PRELID3A: variants seen among roughly 807,000 people sequenced by gnomAD.
The protein encoded by PRELID3A is PRELI domain containing 3A.
In PRELID3A, 27 loss-of-function variants were observed where a neutral mutation model predicts 23.0. The ratio of observed to expected loss-of-function variants is 1.17; its 90% CI spans 0.87 to 1.62. PRELID3A has a LOEUF of 1.62. PRELID3A is among the 40% of genes most tolerant of loss of function. PRELID3A has a pLI of 0.00. For synonymous variants in PRELID3A, 87 were observed against 86.4 expected, an observed-to-expected ratio of 1.01 and a Z score of -0.04; for missense variants, 231 against 231.4, an observed-to-expected ratio of 1.00 and a Z score of 0.01.
At chr18:12,410,549 T>TTA (rs1280144178) in intron 1 of PRELID3A, among the ~76,000 whole-genome samples, 1 of 152,214 alleles carries the variant, frequency 6.6e-6, no homozygotes, top group Non-Finnish European at 1.5e-5. Flanking sequence ...CTGGCTGGAC[T>TTA]TACTGTGTAG....
intron 3 of PRELID3A, among the ~76,000 whole-genome samples, chr18:12,424,859 T>G (rs1478988569): frequency 6.6e-6 from 1 of 152,196 alleles, no homozygotes; most frequent in Non-Finnish European, 1.5e-5. Context: ...TTATGGCCAG[T>G]GCGGTGGCCC....
chr18:12,430,368 GGTGTGT>G (rs58524238), intron 6 of PRELID3A, among the ~76,000 whole-genome samples: 1 of 150,340 alleles, frequency 6.7e-6, no homozygotes, highest in African/African-American at 2.4e-5. Flanking sequence ...ATGTGTGTGT[GGTGTGT>G]GTGTGTGTGC....
chr18:12,407,959 G>C lies in PRELID3A; in HGVS notation c.-17G>C. On this transcript the variant is annotated 5_prime_UTR_variant, in exon 1 of 7. Coordinates refer to ENST00000440960, the MANE Select transcript of PRELID3A (RefSeq NM_001142405.2). ...ACCCGGCCCGGATCGCAGAGCCCGC[G>C]CCCTGCGCCGGCGGCAATGAAGATC... is the stretch of plus-strand genomic sequence containing the variant. The C allele has an allele frequency of 1.5e-6, 2 of 1,294,794 alleles. No individual in the cohort carries two copies. Among genetic ancestry groups the C allele is most frequent in the Non-Finnish European group, 9.8e-7 (1 of 1,023,424 alleles). 80.2% of individuals were successfully genotyped at this position (1,294,794 alleles called of 1,614,324 possible). A position where few individuals can be genotyped will look rare whatever the true frequency, so the allele number is the denominator to read the frequency against.
At chr18:12,420,288 C>G (rs2030115118) in intron 1 of PRELID3A, 37 bp from the exon 2 acceptor site, 2 of 1,558,878 alleles carry the variant, frequency 1.3e-6, no homozygotes, top group Non-Finnish European at 1.7e-6. Context: ...GCCCCGGCCC[C>G]GGCGCTTGCT....
At chr18:12,422,601 C>T (rs1160192723) in intron 3 of PRELID3A, among the ~76,000 whole-genome samples, 2 of 152,092 alleles carry the variant, frequency 1.3e-5, no homozygotes, top group East Asian at 1.9e-4. Flanking sequence ...TCGTGATCCA[C>T]CCGCCTCAGC....
At position 12,427,323 on chromosome 18, in the gene PRELID3A, G is replaced by C. The variant is rs2030414291; in HGVS notation, c.465G>C (p.Lys155Asn). The change falls in exon 5 of 7, where the codon AAG (lysine) becomes AAC (asparagine). Residue 155 changes from lysine to asparagine, a missense_variant and splice_region_variant. Lys to Asn is a moderately conservative substitution (Grantham distance 94). Transcript: ENST00000440960. ...ATACGATATCATCCAATGCAAAGAA[G>C]GTATGTATCTCAATCCTAGGAGTCC... ...MANTISSNAK[K>N]GWAAIEWIIE... 10 of 1,599,028 alleles carry C rather than the reference G, an allele frequency of 6.3e-6. No individual in the cohort carries two copies. The highest frequency in any genetic ancestry group is 8.6e-6 in the Non-Finnish European group (10 of 1,166,594).
chr18:12,408,241 G>T lies in PRELID3A; in HGVS notation c.32+234G>T, dbSNP rs1245672108. On this transcript the variant is annotated intron_variant, in intron 1 of 6. Coordinates refer to ENST00000440960, the MANE Select transcript of PRELID3A (RefSeq NM_001142405.2). ...CCGGGTACGGCCTCTCCCCCGGCGTGCGCAGGGGCCTGGCTGCAGGCACAG... is the reference window on the plus strand; with the variant it reads ...CCGGGTACGGCCTCTCCCCCGGCGTTCGCAGGGGCCTGGCTGCAGGCACAG... 2.6e-5 allele frequency among the ~76,000 whole-genome samples: 4 copies of T among 151,724 alleles called. No homozygotes were observed. The East Asian group carries it at 5.8e-4, about 22-fold the overall frequency.
At chr18:12,426,098 G>A (rs2030352773) in intron 3 of PRELID3A, among the ~76,000 whole-genome samples, 1 of 151,112 alleles carries the variant, frequency 6.6e-6, no homozygotes, top group African/African-American at 2.4e-5. Context: ...ACTTAGCCAG[G>A]CATGGTGGCA....
rs1344745088 is a variant in PRELID3A, at chr18:12,429,447, T to C, written c.*33+11T>C. 1.3e-6 allele frequency: 2 copies of C among 1,538,208 alleles called. No individual in the cohort carries two copies. Among genetic ancestry groups the C allele is most frequent in the Non-Finnish European group, 1.8e-6 (2 of 1,111,922 alleles). On this transcript the variant is annotated intron_variant, in intron 6 of 6. Coordinates refer to ENST00000440960, the MANE Select transcript of PRELID3A (RefSeq NM_001142405.2). ...TTGTCATAAATGGTGGTGAGTACAG[T>C]ATTCACTCACCTGGGGGGGTACTTG...
chr18:12,414,377 G>T (rs988924688), intron 1 of PRELID3A, among the ~76,000 whole-genome samples: 2 of 152,156 alleles, frequency 1.3e-5, no homozygotes, highest in Non-Finnish European at 2.9e-5. Flanking sequence ...GAAGATACTG[G>T]CTCTGTCCTT....
rs147772573 is a variant in PRELID3A, at chr18:12,417,561, T to C, written c.33-2764T>C. ...CTCAATGTTTAGATTATTTTAAGCT[T>C]AATGTTAGAAGGCATACCCTGTTCT... On this transcript the variant is annotated intron_variant, in intron 1 of 6. Coordinates refer to ENST00000440960, the MANE Select transcript of PRELID3A (RefSeq NM_001142405.2). Among the ~76,000 whole-genome samples, 47 of 152,360 alleles carry C rather than the reference T, an allele frequency of 3.1e-4. No individual in the cohort carries two copies. The East Asian group carries it at 5.2e-3, about 17-fold the overall frequency.
At chr18:12,430,992 GTGTA>G (rs1451105632) in intron 6 of PRELID3A, among the ~76,000 whole-genome samples, 154 bp from the exon 7 acceptor site, 1 of 150,936 alleles carries the variant, frequency 6.6e-6, no homozygotes, top group Non-Finnish European at 1.5e-5. Context: ...TGTGTGTAAT[GTGTA>G]TGTGTGATGT....
intron 1 of PRELID3A, among the ~76,000 whole-genome samples, chr18:12,417,101 T>C (rs574835429): frequency 6.6e-6 from 1 of 152,332 alleles, no homozygotes; most frequent in East Asian, 1.9e-4. Flanking sequence ...TTAGTAAAAT[T>C]ATTTATTATG....
intron 6 of PRELID3A, 138 bp downstream of exon 6, chr18:12,429,574 G>T: frequency 1.7e-6 from 1 of 579,330 alleles, no homozygotes; most frequent in Non-Finnish European, 3.1e-6. Flanking sequence ...GTTTTCCACG[G>T]TGACACAGAA....
chr18:12,411,145 G>C (rs530970580), intron 1 of PRELID3A, among the ~76,000 whole-genome samples: 1 of 151,946 alleles, frequency 6.6e-6, no homozygotes, highest in African/African-American at 2.4e-5. Flanking sequence ...GAATTAACGT[G>C]TGTGTTACCT....
Position 12,429,427 on chromosome 18 carries a change from A to G in PRELID3A, c.*24A>G. ...AAGGAGGCCTGTGCCTGTGCTTGTC[A>G]TAAATGGTGGTGAGTACAGTATTCA... On this transcript the variant is annotated 3_prime_UTR_variant, in exon 6 of 7. Transcript: ENST00000440960. 9 of 1,609,822 alleles carry G rather than the reference A, an allele frequency of 5.6e-6. No homozygotes were observed. Among genetic ancestry groups the G allele is most frequent in the Non-Finnish European group, 7.6e-6 (9 of 1,176,572 alleles).
intron 2 of PRELID3A, chr18:12,421,208 C>T: frequency 3.5e-6 from 1 of 283,106 alleles, no homozygotes; most frequent in Non-Finnish European, 6.6e-6. Flanking sequence ...ACCCCCACCC[C>T]AGCACTATGG....
rs1405556314 is a variant in PRELID3A at position 12,426,276 on chromosome 18, C to T, written c.292-765C>T. 4.0e-5 allele frequency among the ~76,000 whole-genome samples: 6 copies of T among 151,134 alleles called. No individual in the cohort carries two copies. In the South Asian group the frequency reaches 1.0e-3, roughly 26 times the overall value. ...AGAAAAAGAAAAAGAAAATATAGGC[C>T]GGGTGGAGTGGCTCACGCCTGTAAT... On this transcript the variant is annotated intron_variant, in intron 3 of 6. Transcript: ENST00000440960.
Position 12,429,335 on chromosome 18 carries a change from C to G in PRELID3A, c.466-15C>G. 6.2e-7 allele frequency: 1 copy of G among 1,613,314 alleles called. No individual in the cohort carries two copies. Among genetic ancestry groups the G allele is most frequent in the Non-Finnish European group, 8.5e-7 (1 of 1,179,810 alleles). ...GGGACGACCCACTCAGTGCTGAAAT[C>G]TTTCTGTGTTGCAGGGGTGGGCTGC... On this transcript the variant is annotated splice_polypyrimidine_tract_variant and intron_variant, in intron 5 of 6. Coordinates refer to ENST00000440960, the MANE Select transcript of PRELID3A (RefSeq NM_001142405.2).
Sources: gnomAD v4.1 joint callset for allele counts (sites outside exome capture counted in the v4.1 genomes callset) on GRCh38, gnomAD v4.1.1 for gene constraint, MANE v1.5 for transcripts, NCBI Gene and HGNC (gene_info 2026-07-23, HGNC 2026-07-21) for gene names.